Variants in BRD8 observed in about 807,000 individuals in gnomAD.
The protein encoded by BRD8 is bromodomain containing 8.
A neutral mutation model predicts 143.1 loss-of-function variants in BRD8; 67 were observed. The observed-to-expected ratio is 0.47, with a 90% confidence interval of 0.38 to 0.57. The LOEUF is 0.57. BRD8 is among the 20% of genes least tolerant of loss of function. The pLI is 0.00. For missense variants in BRD8, 1,103 were observed against 1,503.0 expected (o/e 0.73, Z 4.40); for synonymous variants, 505 against 517.1 (o/e 0.98, Z 0.32).
chr5:138,148,159 G>GAAAA (rs764280222), intron 23 of BRD8, among the ~76,000 whole-genome samples: 1 of 73,646 alleles, frequency 1.4e-5, no homozygotes, highest in Non-Finnish European at 2.6e-5. Flanking sequence ...TGATGAGCTG[G>GAAAA]AAAAAAAAAA....
At chr5:138,157,359 G>A (rs1285232819) in intron 20 of BRD8, 12 of 1,528,754 alleles carry the variant, frequency 7.8e-6, no homozygotes, top group Non-Finnish European at 1.1e-5. Flanking sequence ...GTTTCTTGGG[G>A]GAGAGGGAAG....
At chr5:138,163,081 T>G (rs554044674) in intron 15 of BRD8, 49 bp downstream of exon 15, 1 of 1,520,262 alleles carries the variant, frequency 6.6e-7, no homozygotes, top group South Asian at 1.1e-5. Flanking sequence ...AAAGATCCTC[T>G]CCTCACCTTC....
At chr5:138,144,918 A>AT (rs1464411297) in intron 25 of BRD8, among the ~76,000 whole-genome samples, 1,837 of 89,776 alleles carry the variant, frequency 0.02, 15 homozygotes, top group South Asian at 0.026. Context: ...AAAAAAAAAA[A>AT]ATATATATAT....
intron 3 of BRD8, 78 bp downstream of exon 3, chr5:138,171,987 C>A (rs1036836716): frequency 2.8e-6 from 3 of 1,089,514 alleles, no homozygotes; most frequent in Non-Finnish European, 4.2e-6. Context: ...AGCTTTGTAA[C>A]TAAAAGTCAG....
chr5:138,159,963 T>C (rs999579971), intron 19 of BRD8, 106 bp downstream of exon 19: 15 of 794,030 alleles, frequency 1.9e-5, no homozygotes, highest in East Asian at 7.4e-5. Flanking sequence ...CTGTATATCA[T>C]TGGAATCTAG....
At chr5:138,175,662 G>A (rs1754260212) in intron 2 of BRD8, among the ~76,000 whole-genome samples, 3 of 150,894 alleles carry the variant, frequency 2.0e-5, no homozygotes, top group Admixed American at 2.0e-4. Context: ...GAACATAGTG[G>A]GACCTCGTCT....
chr5:138,155,461 A>C (rs567877539), intron 20 of BRD8, among the ~76,000 whole-genome samples: 1 of 151,920 alleles, frequency 6.6e-6, no homozygotes, highest in Non-Finnish European at 1.5e-5. Flanking sequence ...AAAAAAAAAA[A>C]AAAAGTTTAG....
rs138064217 is a variant in BRD8, at chr5:138,141,425, C to T, written c.3438-543G>A. Reference sequence around the variant, plus strand: ...GATTACAAGTGTGAGCCACCGCCCCCGGCCTTATTATCTCCATTTCACAGA... The same window carrying T: ...GATTACAAGTGTGAGCCACCGCCCCTGGCCTTATTATCTCCATTTCACAGA... On this transcript the variant is annotated intron_variant, in intron 25 of 26. Coordinates refer to ENST00000254900, the MANE Select transcript of BRD8 (RefSeq NM_139199.2). Among the ~76,000 whole-genome samples the T allele has an allele frequency of 4.2e-3, 639 of 152,296 alleles. 3 individuals are homozygous for T. The highest frequency in any genetic ancestry group is 0.015 in the African/African-American group (603 of 41,576).
At chr5:138,172,835 C>A in intron 2 of BRD8, 3 of 367,706 alleles carry the variant, frequency 8.2e-6, no homozygotes, top group South Asian at 1.9e-5. Context: ...GCCTGGGTGA[C>A]AGAGTAAGAC....
chr5:138,163,567 G>T lies in BRD8; in HGVS notation c.1873-223C>A, dbSNP rs187262140. ...ATACCCAGGATCTTTTAAAAAGAAA[G>T]AAAAAAAAAAGCTACTTACTTAAGA... On this transcript the variant is annotated intron_variant, in intron 14 of 26. Transcript: ENST00000254900. The T allele has an allele frequency of 9.8e-6, 13 of 1,331,646 alleles. No homozygotes were observed. In the Admixed American group the frequency reaches 2.3e-4, roughly 24 times the overall value. The allele number at this position is 1,331,646 out of a possible 1,614,324, so 82.5% of individuals were successfully genotyped here. A position where few individuals can be genotyped will look rare whatever the true frequency, so the allele number is the denominator to read the frequency against.
At chr5:138,140,561 C>A in intron 26 of BRD8, 144 bp downstream of exon 26, 1 of 958,646 alleles carries the variant, frequency 1.0e-6, no homozygotes, top group South Asian at 1.5e-5. Flanking sequence ...GTTTTCCAAA[C>A]CAGCAGGCAC....
intron 19 of BRD8, 58 bp downstream of exon 19, chr5:138,160,011 T>G (rs1195193402): frequency 1.5e-6 from 2 of 1,306,944 alleles, no homozygotes; most frequent in Non-Finnish European, 2.2e-6. Flanking sequence ...GGTCCTTGGA[T>G]GCTTCAGACT....
chr5:138,168,144 G>C, intron 8 of BRD8, 66 bp from the exon 9 acceptor site: 3 of 1,214,266 alleles, frequency 2.5e-6, no homozygotes, highest in South Asian at 2.7e-5. Flanking sequence ...TCCCAACAAA[G>C]CTCCAGCAGT....
rs1752414554 is a variant in BRD8, at chr5:138,152,484, C to T, written c.2854G>A (p.Glu952Lys). 6.2e-7 allele frequency: 1 copy of T among 1,613,776 alleles called. No individual in the cohort carries two copies. The highest frequency in any genetic ancestry group is 1.3e-5 in the African/African-American group (1 of 74,910). The change falls in exon 21 of 27, where the codon GAG (glutamate) becomes AAG (lysine). Residue 952 changes from glutamate to lysine, a missense_variant and splice_region_variant. Around this residue, in one of 7 missense-constraint regions of BRD8, gnomAD observed 369 missense variants for 445.5 expected, o/e 0.83. Coordinates refer to ENST00000254900, the MANE Select transcript of BRD8 (RefSeq NM_139199.2). Reference sequence around the variant, plus strand: ...TGGAAATAAGAGCTCACTGTTACCTCAGAGAGAAAGTGGAGGAGGTTCTGG... The same window carrying T: ...TGGAAATAAGAGCTCACTGTTACCTTAGAGAGAAAGTGGAGGAGGTTCTGG... ...SHQNLLHFLS[E>K]VAYLMEPLCI...
chr5:138,161,441 A>T (rs1157211631), intron 17 of BRD8, among the ~76,000 whole-genome samples: 2 of 152,074 alleles, frequency 1.3e-5, no homozygotes, highest in Non-Finnish European at 2.9e-5. Flanking sequence ...TCAGCCTCCC[A>T]GGTAGTTGGG....
At position 138,152,597 on chromosome 5, in the gene BRD8, T is replaced by G. The variant is rs760376365; in HGVS notation, c.2741A>C (p.Glu914Ala). 1 of 1,614,184 alleles carries G rather than the reference T, an allele frequency of 6.2e-7. No homozygotes were observed. The highest frequency in any genetic ancestry group is 2.2e-5 in the East Asian group (1 of 44,882). ...ACTAGGTTCTCTCTCCGGGCTGCTTTCCTCTAGTTCCTCAGCCTCTGGATC... is the reference window on the plus strand; with the variant it reads ...ACTAGGTTCTCTCTCCGGGCTGCTTGCCTCTAGTTCCTCAGCCTCTGGATC... ...TEDPEAEELE[E>A]SSPEREPSEL... Residue 914 changes from glutamate to alanine, a missense_variant, in exon 21 of 27, where the codon GAA becomes GCA. By Grantham distance (107) the Glu-to-Ala change is moderately radical (BLOSUM62 -1). This residue lies in a region of BRD8 where 369 missense variants were observed against 445.5 expected (regional missense o/e 0.83). Coordinates refer to ENST00000254900, the MANE Select transcript of BRD8 (RefSeq NM_139199.2).
In BRD8 at chr5:138,171,069, T is replaced by C; in HGVS notation, c.328A>G (p.Lys110Glu). 1 of 1,614,060 alleles carries C rather than the reference T, an allele frequency of 6.2e-7. No homozygotes were observed. The highest frequency in any genetic ancestry group is 8.5e-7 in the Non-Finnish European group (1 of 1,180,004). Residue 110 changes from lysine to glutamate, a missense_variant, in exon 5 of 27, where the codon AAA becomes GAA. Physicochemically the swap from Lys to Glu is moderately conservative, Grantham distance 56. Around this residue, in one of 7 missense-constraint regions of BRD8, gnomAD observed 334 missense variants for 372.5 expected, o/e 0.90. Coordinates refer to ENST00000254900, the MANE Select transcript of BRD8 (RefSeq NM_139199.2). ...LTAERVEELK[K>E]VIKETQERYR... ...CTCTCCTGGGTTTCCTTTATCACTT[T>C]CTTTAGTTCTTCAACTCGCTCAGCA...
chr5:138,171,001 T>C, intron 5 of BRD8, 37 bp downstream of exon 5: 1 of 1,611,960 alleles, frequency 6.2e-7, no homozygotes, highest in Non-Finnish European at 8.5e-7. Flanking sequence ...GTCCCTTATG[T>C]CTTTCTCAAT....
intron 25 of BRD8, 121 bp downstream of exon 25, chr5:138,145,056 G>T: frequency 2.0e-6 from 2 of 1,004,154 alleles, no homozygotes; most frequent in Non-Finnish European, 3.0e-6. Flanking sequence ...TTATAAACTT[G>T]TTTGGCTATG....
Sources: allele counts gnomAD v4.1 joint callset (sites outside exome capture counted in the v4.1 genomes callset), GRCh38; gene constraint gnomAD v4.1.1; regional missense constraint gnomAD v4.1.1; transcripts MANE v1.5; gene names NCBI Gene and HGNC (gene_info 2026-07-23, HGNC 2026-07-21).